Variants in PCDHGA9 observed in about 807,000 individuals in gnomAD.
PCDHGA9 encodes the protein protocadherin gamma subfamily A, 9.
A neutral mutation model predicts 62.5 loss-of-function variants in PCDHGA9; 37 were observed. That is an observed-to-expected ratio of 0.59 (90% confidence interval 0.46 to 0.78). PCDHGA9 has a LOEUF of 0.78. Among genes scored for constraint, PCDHGA9 ranks in the 30% least tolerant of loss-of-function variants. PCDHGA9 has a pLI of 0.00. For synonymous variants in PCDHGA9, 459 were observed against 484.6 expected (o/e 0.95, Z 0.69); for missense variants, 1,138 against 1,166.2 (o/e 0.98, Z 0.35).
At chr5:141,419,686 G>T (rs551990092) in intron 1 of PCDHGA9, 2 of 1,612,878 alleles carry the variant, frequency 1.2e-6, no homozygotes, top group South Asian at 1.1e-5. Flanking sequence ...ACCACGTGGT[G>T]CAGGCCAGTG....
In PCDHGA9 at chr5:141,430,200, T is replaced by G. The variant is rs182960813; in HGVS notation, c.2424+24824T>G. Among the ~76,000 whole-genome samples the G allele has an allele frequency of 8.2e-4, 124 of 152,052 alleles. 2 individuals are homozygous for G. Among genetic ancestry groups the G allele is most frequent in the African/African-American group, 2.9e-3 (119 of 41,468 alleles). ...CCCAAATTATAGCTGAATCAGAAAG[T>G]TTAAATTATTATATTATATGATTTG... On this transcript the variant is annotated intron_variant, in intron 1 of 3. Transcript: ENST00000573521.
chr5:141,421,923 G>T (rs2096611568), intron 1 of PCDHGA9: 1 of 1,613,590 alleles, frequency 6.2e-7, no homozygotes. Flanking sequence ...TTCGTGTGGT[G>T]GTCCTCGATG....
chr5:141,492,579 G>T (rs547852117), intron 1 of PCDHGA9, among the ~76,000 whole-genome samples: 2 of 152,356 alleles, frequency 1.3e-5, no homozygotes, highest in East Asian at 1.9e-4. Context: ...GAGGCGCGGG[G>T]CCAGGAGCGC....
chr5:141,477,607 G>A lies in PCDHGA9; in HGVS notation c.2425-17200G>A, dbSNP rs1223703956. ...ATGCTCGGCTTTCTTTCTTTCTCTT[G>A]GAGCAAGGAGCTGAAACCGGGCTAG... is the stretch of plus-strand genomic sequence containing the variant. On this transcript the variant is annotated intron_variant, in intron 1 of 3. Coordinates refer to ENST00000573521, the MANE Select transcript of PCDHGA9 (RefSeq NM_018921.3). The surrounding 1 kb of genome is among the most constrained non-coding windows in gnomAD (Gnocchi z 4.9). 2 of 1,614,028 alleles carry A rather than the reference G, an allele frequency of 1.2e-6. No individual in the cohort carries two copies. The highest frequency in any genetic ancestry group is 3.3e-5 in the Admixed American group (2 of 60,000).
chr5:141,486,189 A>T lies in PCDHGA9; in HGVS notation c.2425-8618A>T, dbSNP rs761466492. 6.2e-7 allele frequency: 1 copy of T among 1,614,062 alleles called. No individual in the cohort carries two copies. Among genetic ancestry groups the T allele is most frequent in the Non-Finnish European group, 8.5e-7 (1 of 1,179,994 alleles). ...GAGCAACATTGCAGCCTTCGAGTGG[A>T]TCTGCTGGACGTAAATGACAATGCC... is the stretch of plus-strand genomic sequence containing the variant. On this transcript the variant is annotated intron_variant, in intron 1 of 3. Coordinates refer to ENST00000573521, the MANE Select transcript of PCDHGA9 (RefSeq NM_018921.3). The surrounding 1 kb of genome is among the most constrained non-coding windows in gnomAD (Gnocchi z 5.0).
chr5:141,488,170 T>C (rs554585709), intron 1 of PCDHGA9, among the ~76,000 whole-genome samples: 2 of 152,318 alleles, frequency 1.3e-5, no homozygotes, highest in African/African-American at 2.4e-5. Context: ...ATCAGAGTGG[T>C]GGCATAGATC....
Position 141,491,307 on chromosome 5 carries a change from C to CCTTA in PCDHGA9, c.2425-3498_2425-3495dup. On this transcript the variant is annotated intron_variant, in intron 1 of 3. Transcript: ENST00000573521. The surrounding 1 kb of genome is among the most constrained non-coding windows in gnomAD (Gnocchi z 6.9). ...TCATACACCCTCCTGAGCGTTCAGA[C>CCTTA]CTTACCCTTTACCTCATTGTGGCTC... 1 of 1,614,152 alleles carries CCTTA rather than the reference C, an allele frequency of 6.2e-7. No individual in the cohort carries two copies. Among genetic ancestry groups the CCTTA allele is most frequent in the Non-Finnish European group, 8.5e-7 (1 of 1,179,986 alleles).
intron 1 of PCDHGA9, among the ~76,000 whole-genome samples, chr5:141,494,100 G>T (rs559145191): frequency 6.6e-6 from 1 of 152,152 alleles, no homozygotes; most frequent in Non-Finnish European, 1.5e-5. Flanking sequence ...ATTTTTCTCC[G>T]TCTCAGACAG....
At chr5:141,509,777 G>A (rs1244876699) in intron 3 of PCDHGA9, among the ~76,000 whole-genome samples, 1 of 152,100 alleles carries the variant, frequency 6.6e-6, no homozygotes, top group Non-Finnish European at 1.5e-5. Flanking sequence ...TCTAGTCCCC[G>A]AGATCATCAT....
Position 141,486,650 on chromosome 5 carries a change from T to C in PCDHGA9, c.2425-8157T>C, listed in dbSNP as rs1321605826. On this transcript the variant is annotated intron_variant, in intron 1 of 3. Coordinates refer to ENST00000573521, the MANE Select transcript of PCDHGA9 (RefSeq NM_018921.3). The surrounding 1 kb of genome is among the most constrained non-coding windows in gnomAD (Gnocchi z 5.0). ...TGGCTTGAATGCGCTTATCTCCTAC[T>C]CACTCCTGGAGCCCAGGAATCGAGA... is the stretch of plus-strand genomic sequence containing the variant. The C allele has an allele frequency of 6.2e-7, 1 of 1,613,834 alleles. No individual in the cohort carries two copies. Among genetic ancestry groups the C allele is most frequent in the African/African-American group, 1.3e-5 (1 of 74,938 alleles).
In PCDHGA9 at chr5:141,431,628, A is replaced by C. The variant is rs1204083567; in HGVS notation, c.2424+26252A>C. Reference sequence around the variant, plus strand: ...CGGTATGTGGACGACAAGGCGGCCCAAGTTTTCAAACTAGATTGTAATTCA... The same window carrying C: ...CGGTATGTGGACGACAAGGCGGCCCCAGTTTTCAAACTAGATTGTAATTCA... On this transcript the variant is annotated intron_variant, in intron 1 of 3. Coordinates refer to ENST00000573521, the MANE Select transcript of PCDHGA9 (RefSeq NM_018921.3). The surrounding 1 kb of genome is among the most constrained non-coding windows in gnomAD (Gnocchi z 4.8). 1 of 1,614,256 alleles carries C rather than the reference A, an allele frequency of 6.2e-7. No individual in the cohort carries two copies. The highest frequency in any genetic ancestry group is 8.5e-7 in the Non-Finnish European group (1 of 1,180,050).
rs1379023118 is a variant in PCDHGA9, at chr5:141,487,609, G to A, written c.2425-7198G>A. ...GCCCACCCTCTGATCTTCTCTATGG[G>A]CTAGAGGTGAGACCTTTGCAGGCTC... On this transcript the variant is annotated intron_variant, in intron 1 of 3. Transcript: ENST00000573521. The surrounding 1 kb of genome is among the most constrained non-coding windows in gnomAD (Gnocchi z 5.0). 1 of 1,614,202 alleles carries A rather than the reference G, an allele frequency of 6.2e-7. No individual in the cohort carries two copies. The highest frequency in any genetic ancestry group is 1.1e-5 in the South Asian group (1 of 91,084).
Position 141,491,349 on chromosome 5 carries a change from C to G in PCDHGA9, c.2425-3458C>G. 6.2e-7 allele frequency: 1 copy of G among 1,614,168 alleles called. No individual in the cohort carries two copies. Among genetic ancestry groups the G allele is most frequent in the Non-Finnish European group, 8.5e-7 (1 of 1,180,016 alleles). ...TTGTGGCTCTAGCGACCGTCAGTCT[C>G]TTATCCCTAGTCACCTTCACCTTTC... is the stretch of plus-strand genomic sequence containing the variant. On this transcript the variant is annotated intron_variant, in intron 1 of 3. Transcript: ENST00000573521. The surrounding 1 kb of genome is among the most constrained non-coding windows in gnomAD (Gnocchi z 6.9).
At chr5:141,461,607 A>C (rs74634930) in intron 1 of PCDHGA9, among the ~76,000 whole-genome samples, 8,353 of 152,212 alleles carry the variant, frequency 0.055, 473 homozygotes, top group African/African-American at 0.15. Flanking sequence ...AATTTAGTTC[A>C]AAGTATTTTC....
chr5:141,418,928 A>T (rs762769886), intron 1 of PCDHGA9: 1 of 1,613,978 alleles, frequency 6.2e-7, no homozygotes, highest in East Asian at 2.2e-5. Context: ...TGATCAGATT[A>T]TGGAGGATTC....
At chr5:141,498,588 A>G (rs1326073516) in intron 2 of PCDHGA9, among the ~76,000 whole-genome samples, 1 of 152,082 alleles carries the variant, frequency 6.6e-6, no homozygotes, top group Non-Finnish European at 1.5e-5. Context: ...GTTCTTCAGT[A>G]AACTTGGTTC....
At chr5:141,451,060 C>T (rs1241509553) in intron 1 of PCDHGA9, among the ~76,000 whole-genome samples, 1 of 151,562 alleles carries the variant, frequency 6.6e-6, no homozygotes, top group African/African-American at 2.4e-5. Context: ...GAACTCCTGA[C>T]CTTGTGATCC....
At chr5:141,475,819 G>A (rs1232669115) in intron 1 of PCDHGA9, 4 of 350,114 alleles carry the variant, frequency 1.1e-5, no homozygotes, top group Non-Finnish European at 1.6e-5. Context: ...GAAGTTCCTG[G>A]CGCTAGCGCG....
intron 1 of PCDHGA9, chr5:141,417,918 T>C (rs1371704441): frequency 1.2e-6 from 2 of 1,605,528 alleles, no homozygotes; most frequent in Non-Finnish European, 8.5e-7. Context: ...CTATTTCCTT[T>C]GCTGCTGCCT....
Sources: gnomAD v4.1 joint callset for allele counts (sites outside exome capture counted in the v4.1 genomes callset) on GRCh38, gnomAD v4.1.1 for gene constraint, Gnocchi (gnomAD v3.1) non-coding constraint, MANE v1.5 for transcripts, NCBI Gene and HGNC (gene_info 2026-07-23, HGNC 2026-07-21) for gene names.